PRKAR1B: variants seen among roughly 807,000 people sequenced by gnomAD.
PRKAR1B encodes protein kinase cAMP-dependent type I regulatory subunit beta, also known as cAMP-dependent protein kinase type I-beta regulatory subunit.
A neutral mutation model predicts 46.5 loss-of-function variants in PRKAR1B; 22 were observed. The observed-to-expected ratio is 0.47, with a 90% confidence interval of 0.34 to 0.68. The LOEUF (loss-of-function observed/expected upper bound fraction) is 0.68. PRKAR1B is among the 30% of genes least tolerant of loss of function. The probability of loss-of-function intolerance (pLI) is 0.01; values close to 1 mark genes in which losing one functional copy is unlikely to be tolerated. For synonymous variants in PRKAR1B, 259 were observed against 217.7 expected (o/e 1.19, Z -1.67); for missense variants, 445 against 535.6 (o/e 0.83, Z 1.67).
intron 8 of PRKAR1B, among the ~76,000 whole-genome samples, chr7:584,209 C>T (rs1345137556): frequency 1.3e-5 from 2 of 152,152 alleles, no homozygotes; most frequent in South Asian, 4.1e-4. Flanking sequence ...GCTGGGGGCG[C>T]GGCTCTGACA....
Position 593,358 on chromosome 7 carries a change from G to A in PRKAR1B, c.708+2788C>T, listed in dbSNP as rs1248951674. ...AACAGGAGCTGTGTGAGGAGCTCGGGGCCAATACAGAAACAGACACCATCC... is the reference window on the plus strand; with the variant it reads ...AACAGGAGCTGTGTGAGGAGCTCGGAGCCAATACAGAAACAGACACCATCC... On this transcript the variant is annotated intron_variant, in intron 7 of 10. Coordinates refer to ENST00000537384, the MANE Select transcript of PRKAR1B (RefSeq NM_001164760.2). The surrounding 1 kb of genome is among the most constrained non-coding windows in gnomAD (Gnocchi z 6.1). Among the ~76,000 whole-genome samples the A allele has an allele frequency of 6.6e-6, 1 of 152,112 alleles. No homozygotes were observed. The highest frequency in any genetic ancestry group is 1.5e-5 in the Non-Finnish European group (1 of 68,024).
At chr7:640,132 C>T (rs999288150) in intron 4 of PRKAR1B, among the ~76,000 whole-genome samples, 1 of 151,066 alleles carries the variant, frequency 6.6e-6, no homozygotes, top group Admixed American at 6.6e-5. Flanking sequence ...TATTGCACTC[C>T]AGCCTGGGCA....
rs1288664705 is a variant in PRKAR1B, at chr7:549,879, GT to G, written c.*550del. 2.6e-5 allele frequency: 4 copies of G among 154,284 alleles called. No homozygotes were observed. The highest frequency in any genetic ancestry group is 9.7e-5 in the African/African-American group (4 of 41,430). The allele number at this position is 154,284 out of a possible 1,614,324, so 9.6% of individuals were successfully genotyped here. Reference sequence around the variant, plus strand: ...ATCCGCAGCAGGGCCCCCGGGGGAGGTGGGGGTGCGGCGGGGTGCAGTGGCG... The same window carrying G: ...ATCCGCAGCAGGGCCCCCGGGGGAGGGGGGGTGCGGCGGGGTGCAGTGGCG... On this transcript the variant is annotated 3_prime_UTR_variant, in exon 11 of 11. Coordinates refer to ENST00000537384, the MANE Select transcript of PRKAR1B (RefSeq NM_001164760.2).
intron 4 of PRKAR1B, among the ~76,000 whole-genome samples, chr7:620,017 CTTT>C (rs71016891): frequency 3.8e-5 from 5 of 131,014 alleles, no homozygotes; most frequent in Non-Finnish European, 4.8e-5. Flanking sequence ...TACCCAGCTA[CTTT>C]TTTTTTTTTT....
chr7:624,167 T>C (rs1783256549), intron 4 of PRKAR1B, among the ~76,000 whole-genome samples: 2 of 152,212 alleles, frequency 1.3e-5, no homozygotes, highest in Non-Finnish European at 2.9e-5. Context: ...GCATGGTGGC[T>C]CACACCTGTA....
chr7:588,155 T>G (rs1780705589), intron 7 of PRKAR1B, among the ~76,000 whole-genome samples: 1 of 152,202 alleles, frequency 6.6e-6, no homozygotes, highest in Non-Finnish European at 1.5e-5. Flanking sequence ...ATCAGACGAC[T>G]GAGCCCAGCG....
At position 640,785 on chromosome 7, in the gene PRKAR1B, CACACACACACACACACACACACAG is replaced by C. The variant is rs995144265; in HGVS notation, c.441-33357_441-33334del. 1.3e-4 allele frequency among the ~76,000 whole-genome samples: 15 copies of C among 118,104 alleles called. No individual in the cohort carries two copies. The East Asian group carries it at 2.2e-3, about 17-fold the overall frequency. The allele number at this position is 118,104 out of a possible 152,430, so 77.5% of individuals were successfully genotyped here. Reference sequence around the variant, plus strand: ...TCTCAAACACACACACACACACACACACACACACACACACACACACACAGACACAAATGAAATACCACTTTGCAT... The same window carrying C: ...TCTCAAACACACACACACACACACACACACAAATGAAATACCACTTTGCAT... On this transcript the variant is annotated intron_variant, in intron 4 of 10. Transcript: ENST00000537384.
At chr7:643,912 G>A (rs757676033) in intron 4 of PRKAR1B, among the ~76,000 whole-genome samples, 39 of 152,162 alleles carry the variant, frequency 2.6e-4, no homozygotes, top group East Asian at 3.9e-4. Context: ...CACTCCCGTC[G>A]CCCCAAGTCA....
rs144560262 is a variant in PRKAR1B at position 691,127 on chromosome 7, C to G, written c.178-10401G>C. On this transcript the variant is annotated intron_variant, in intron 2 of 10. Transcript: ENST00000537384. ...CCCACGCCCACCCACACTGGCCAGT[C>G]CGCTGCAAATCCTACCCGAAGGGTC... 6.3e-3 allele frequency among the ~76,000 whole-genome samples: 904 copies of G among 142,822 alleles called. 26 individuals carry two copies. The highest frequency in any genetic ancestry group is 0.023 in the African/African-American group (814 of 34,712). The allele number at this position is 142,822 out of a possible 152,430, so 93.7% of individuals were successfully genotyped here. A position where few individuals can be genotyped will look rare whatever the true frequency, so the allele number is the denominator to read the frequency against.
intron 4 of PRKAR1B, among the ~76,000 whole-genome samples, chr7:618,254 T>C (rs1394051756): frequency 1.3e-5 from 2 of 152,208 alleles, no homozygotes; most frequent in Non-Finnish European, 2.9e-5. Flanking sequence ...CCACAGACCA[T>C]GCATTTGGCA....
chr7:569,627 G>A (rs1428955033), intron 9 of PRKAR1B, among the ~76,000 whole-genome samples: 2 of 152,218 alleles, frequency 1.3e-5, no homozygotes, highest in African/African-American at 4.8e-5. Flanking sequence ...GGTCAGAGCC[G>A]GGTGGACCTG....
intron 9 of PRKAR1B, among the ~76,000 whole-genome samples, chr7:577,014 C>T (rs1019248971): frequency 4.3e-5 from 6 of 139,414 alleles, no homozygotes; most frequent in Admixed American, 6.9e-5. Flanking sequence ...CTCCATCAGT[C>T]GCCTCACCCA....
At position 593,042 on chromosome 7, in the gene PRKAR1B, T is replaced by TA. The variant is rs201661722; in HGVS notation, c.708+3103dup. 0.013 allele frequency among the ~76,000 whole-genome samples: 1,902 copies of TA among 151,742 alleles called. 20 individuals carry two copies. The highest frequency in any genetic ancestry group is 0.04 in the South Asian group (191 of 4,770). On this transcript the variant is annotated intron_variant, in intron 7 of 10. Transcript: ENST00000537384. The surrounding 1 kb of genome is among the most constrained non-coding windows in gnomAD (Gnocchi z 6.1). ...CAGTGAGACATTGTTTCAAAAAAAT[T>TA]AAAAAAAACAAAAAGGTAAGAAAGA...
At chr7:693,343 T>C (rs1268982245) in intron 2 of PRKAR1B, among the ~76,000 whole-genome samples, 1 of 151,882 alleles carries the variant, frequency 6.6e-6, no homozygotes, top group Non-Finnish European at 1.5e-5. Flanking sequence ...CACCGTGCTG[T>C]GCAACCACCA....
At chr7:638,929 T>G (rs2128483869) in intron 4 of PRKAR1B, among the ~76,000 whole-genome samples, 1 of 151,856 alleles carries the variant, frequency 6.6e-6, no homozygotes, top group East Asian at 1.9e-4. Flanking sequence ...AATACAAAAA[T>G]TATCCAGATG....
At chr7:571,471 G>T (rs1779509924) in intron 9 of PRKAR1B, among the ~76,000 whole-genome samples, 1 of 152,254 alleles carries the variant, frequency 6.6e-6, no homozygotes, top group South Asian at 2.1e-4. Context: ...AAGTTCCCAG[G>T]CCCAAGGGCA....
intron 9 of PRKAR1B, among the ~76,000 whole-genome samples, chr7:563,734 G>C (rs1416630536): frequency 6.6e-6 from 1 of 151,864 alleles, no homozygotes; most frequent in Admixed American, 6.6e-5. Flanking sequence ...GGGTCTGCTT[G>C]GAGTGTGTAT....
chr7:602,831 G>T lies in PRKAR1B; in HGVS notation c.549+3362C>A. The T allele has an allele frequency of 6.3e-6, 1 of 157,628 alleles. No homozygotes were observed. 9.8% of individuals were successfully genotyped at this position (157,628 alleles called of 1,614,324 possible). A position where few individuals can be genotyped will look rare whatever the true frequency, so the allele number is the denominator to read the frequency against. ...CAGTGAGCTCTGTTCGTTTTTCTGA[G>T]TAATATGGAAATGGCACGGCTCAGC... On this transcript the variant is annotated intron_variant, in intron 6 of 10. Transcript: ENST00000537384. The surrounding 1 kb of genome is among the most constrained non-coding windows in gnomAD (Gnocchi z 6.4).
rs1164221686 is a variant in PRKAR1B, at chr7:726,775, G to A, written c.-23+435C>T. The A allele has an allele frequency of 9.4e-6, 12 of 1,270,040 alleles. No homozygotes were observed. The highest frequency in any genetic ancestry group is 4.2e-5 in the Admixed American group (1 of 23,926). 78.7% of individuals were successfully genotyped at this position (1,270,040 alleles called of 1,614,324 possible). ...GGCGGCCCCACACCCGGCTGAGGGG[G>A]CCGAGACGGCTGAGGCGGTGGAGCT... On this transcript the variant is annotated intron_variant, in intron 1 of 10. Transcript: ENST00000537384.
Sources: gnomAD v4.1 joint callset for allele counts (sites outside exome capture counted in the v4.1 genomes callset) on GRCh38, gnomAD v4.1.1 for gene constraint, Gnocchi (gnomAD v3.1) non-coding constraint, MANE v1.5 for transcripts, NCBI Gene and HGNC (gene_info 2026-07-23, HGNC 2026-07-21) for gene names.